Variants in GSE1 observed in about 807,000 individuals in gnomAD.
GSE1 encodes the protein genetic suppressor element 1.
A neutral mutation model predicts 112.6 loss-of-function variants in GSE1; 32 were observed. The ratio of observed to expected loss-of-function variants is 0.28; its 90% CI spans 0.21 to 0.38. The LOEUF is 0.38. Ranked by LOEUF, GSE1 falls within the 10% of genes least tolerant of loss-of-function variation. The pLI is 1.00. For synonymous variants in GSE1, 1,115 were observed against 735.6 expected (o/e 1.52, Z -8.35); for missense variants, 2,348 against 1,699.2 (o/e 1.38, Z -6.71).
At chr16:85,208,410 G>A (rs1017241154) in intron 1 of GSE1, among the ~76,000 whole-genome samples, 3 of 152,186 alleles carry the variant, frequency 2.0e-5, no homozygotes, top group African/African-American at 4.8e-5. Flanking sequence ...CCTGGGGCTC[G>A]AGGGGCGTCA....
chr16:85,399,162 G>A (rs1292089321), intron 2 of GSE1, among the ~76,000 whole-genome samples: 1 of 152,150 alleles, frequency 6.6e-6, no homozygotes, highest in Non-Finnish European at 1.5e-5. Flanking sequence ...TGTATTGTGT[G>A]CATATGACCG....
In GSE1 at chr16:85,200,465, G is replaced by A. The variant is rs150273083; in HGVS notation, c.2283+28658G>A. The stretch of plus-strand genomic sequence containing the variant: ...AGAGAGGTCATGTGGTTTCCCCCAC[G>A]TCACACAGCTCTTATGCAGTGGAGG... On this transcript the variant is annotated intron_variant, in intron 1 of 2. Transcript: ENST00000637419. Among the ~76,000 whole-genome samples, 498 of 152,118 alleles carry A rather than the reference G, an allele frequency of 3.3e-3. 4 individuals carry two copies. The highest frequency in any genetic ancestry group is 0.01 in the African/African-American group (434 of 41,484).
At chr16:85,513,789 G>A (rs764817915) in intron 2 of GSE1, among the ~76,000 whole-genome samples, 2 of 152,008 alleles carry the variant, frequency 1.3e-5, no homozygotes, top group South Asian at 2.1e-4. Context: ...CCCCACCCCC[G>A]GTGCACACTG....
At chr16:85,369,132 C>T (rs2047243934) in intron 2 of GSE1, among the ~76,000 whole-genome samples, 1 of 152,212 alleles carries the variant, frequency 6.6e-6, no homozygotes, top group Non-Finnish European at 1.5e-5. Context: ...ACTGGCTCCT[C>T]CTGGAGGCCC....
intron 2 of GSE1, chr16:85,463,126 G>GT (rs1157438101): frequency 5.1e-6 from 5 of 984,668 alleles, no homozygotes; most frequent in Non-Finnish European, 6.0e-6. Context: ...CAGAACCTCA[G>GT]TAAGTGCCCA....
intron 2 of GSE1, among the ~76,000 whole-genome samples, chr16:85,383,347 C>T (rs1329572673): frequency 6.6e-6 from 1 of 151,884 alleles, no homozygotes; most frequent in Non-Finnish European, 1.5e-5. Context: ...GTGACATACA[C>T]CTGCACCCAA....
intron 1 of GSE1, among the ~76,000 whole-genome samples, chr16:85,567,313 T>C (rs1292100164): frequency 6.6e-6 from 1 of 152,180 alleles, no homozygotes; most frequent in Non-Finnish European, 1.5e-5. Context: ...TCCCAGCTGC[T>C]GTGCGTTGGA....
chr16:85,603,183 C>G (rs1052822546), intron 1 of GSE1, among the ~76,000 whole-genome samples: 1 of 152,248 alleles, frequency 6.6e-6, no homozygotes, highest in African/African-American at 2.4e-5. Context: ...AAAAATAGGT[C>G]TGCAGCTTTG....
Position 85,202,251 on chromosome 16 carries a change from C to G in GSE1, c.2283+30444C>G, listed in dbSNP as rs185624135. ...TCTCCTCCCCAGCCCCAACTGCCTT[C>G]TGGAATCCGGCAGCTTCCGAGGAAG... is the stretch of plus-strand genomic sequence containing the variant. On this transcript the variant is annotated intron_variant, in intron 1 of 2. Coordinates refer to the GSE1 transcript ENST00000637419. 2.6e-5 allele frequency among the ~76,000 whole-genome samples: 4 copies of G among 152,328 alleles called. No homozygotes were observed. In the East Asian group the frequency reaches 7.7e-4, roughly 29 times the overall value.
intron 1 of GSE1, among the ~76,000 whole-genome samples, chr16:85,299,949 A>C (rs915829102): frequency 1.6e-4 from 25 of 151,556 alleles, no homozygotes; most frequent in Non-Finnish European, 2.7e-4. Context: ...AAAAAAAAAA[A>C]AACAACCCAA....
chr16:85,597,080 C>CA (rs1339349695), intron 1 of GSE1, among the ~76,000 whole-genome samples: 1 of 151,768 alleles, frequency 6.6e-6, no homozygotes, highest in Non-Finnish European at 1.5e-5. Flanking sequence ...TGGGTTCAAG[C>CA]AATCCTCCCT....
chr16:85,467,648 G>A (rs935928801), intron 2 of GSE1, among the ~76,000 whole-genome samples: 7 of 152,152 alleles, frequency 4.6e-5, no homozygotes, highest in Admixed American at 4.6e-4. Flanking sequence ...CCCAAGAGAG[G>A]CCAGTAGAAG....
At chr16:85,588,581 G>A (rs1438597834) in intron 1 of GSE1, among the ~76,000 whole-genome samples, 1 of 152,210 alleles carries the variant, frequency 6.6e-6, no homozygotes, top group African/African-American at 2.4e-5. Flanking sequence ...AAGCAAAACC[G>A]GGGGCTTCTT....
At chr16:85,618,127 C>T (rs114198181) in intron 1 of GSE1, among the ~76,000 whole-genome samples, 79 of 152,210 alleles carry the variant, frequency 5.2e-4, no homozygotes, top group African/African-American at 1.7e-3. Flanking sequence ...ATTCTGGAAC[C>T]GGTTCCTCCA....
At position 85,636,452 on chromosome 16, in the gene GSE1, T is replaced by G. The variant is rs1214268561; in HGVS notation, c.226+2320T>G. On this transcript the variant is annotated intron_variant, in intron 2 of 15. Transcript: ENST00000253458. Reference sequence around the variant, plus strand: ...CACCCCTGTCAGGCCTTGGTCTGGATGGGGAGGGACTGGGTGACTCGTTCC... The same window carrying G: ...CACCCCTGTCAGGCCTTGGTCTGGAGGGGGAGGGACTGGGTGACTCGTTCC... Among the ~76,000 whole-genome samples, 12 of 152,286 alleles carry G rather than the reference T, an allele frequency of 7.9e-5. 1 individual carries two copies. The South Asian group carries it at 1.7e-3, about 21-fold the overall frequency.
Position 85,509,741 on chromosome 16 carries a change from C to T in GSE1, c.2465-124173C>T, listed in dbSNP as rs138765957. 4.0e-3 allele frequency among the ~76,000 whole-genome samples: 610 copies of T among 152,344 alleles called. 1 individual carries two copies. Among genetic ancestry groups the T allele is most frequent in the African/African-American group, 0.014 (587 of 41,574 alleles). ...ACGGCACACCTCGGCTGCCTGCCTTCTCCCTGACTGTGTGCCATGAGCCAC... is the reference window on the plus strand; with the variant it reads ...ACGGCACACCTCGGCTGCCTGCCTTTTCCCTGACTGTGTGCCATGAGCCAC... On this transcript the variant is annotated intron_variant, in intron 2 of 2. Coordinates refer to the GSE1 transcript ENST00000637419.
At chr16:85,524,293 C>T (rs765411993) in intron 2 of GSE1, among the ~76,000 whole-genome samples, 1 of 152,006 alleles carries the variant, frequency 6.6e-6, no homozygotes, top group Non-Finnish European at 1.5e-5. Flanking sequence ...CCCCAGGGCA[C>T]CTCAGATGCC....
At chr16:85,555,361 GGT>G, upstream of GSE1, 1 of 985,000 alleles carries the variant, frequency 1.0e-6, no homozygotes, top group Non-Finnish European at 1.2e-6. Flanking sequence ...CTGAGTCAGT[GGT>G]GGGACGCCGG....
chr16:85,195,656 A>C (rs1177581364), intron 1 of GSE1, among the ~76,000 whole-genome samples: 1 of 152,182 alleles, frequency 6.6e-6, no homozygotes, highest in Non-Finnish European at 1.5e-5. Context: ...CATTTGCACC[A>C]TTGAGGATGA....
Sources: allele counts gnomAD v4.1 joint callset (sites outside exome capture counted in the v4.1 genomes callset), GRCh38; gene constraint gnomAD v4.1.1; transcripts MANE v1.5; gene names NCBI Gene and HGNC (gene_info 2026-07-23, HGNC 2026-07-21).